Variants in CD84 observed in about 807,000 individuals in gnomAD.
CD84 encodes CD84 molecule, also known as SLAM family member 5.
Under a neutral mutation model 33.8 loss-of-function variants are expected in CD84, and 22 were observed. The observed-to-expected ratio is 0.65, with a 90% confidence interval of 0.46 to 0.93. The LOEUF (loss-of-function observed/expected upper bound fraction) is 0.93. CD84 is among the 40% of genes least tolerant of loss of function. The probability of loss-of-function intolerance (pLI) is 0.00; values close to 1 mark genes in which losing one functional copy is unlikely to be tolerated. For synonymous variants in CD84, 154 were observed against 145.2 expected (o/e 1.06, Z -0.44); for missense variants, 400 against 397.6 (o/e 1.01, Z -0.05).
At chr1:160,552,303 T>TCTCC (rs2102134707) in intron 4 of CD84, among the ~76,000 whole-genome samples, 1 of 152,240 alleles carries the variant, frequency 6.6e-6, no homozygotes, top group Non-Finnish European at 1.5e-5. Context: ...GGCTATGCCT[T>TCTCC]CTCCCCATTG....
At chr1:160,564,932 A>G (rs960754061) in intron 2 of CD84, among the ~76,000 whole-genome samples, 4 of 152,202 alleles carry the variant, frequency 2.6e-5, no homozygotes, top group Non-Finnish European at 4.4e-5. Flanking sequence ...AATAAGCTCT[A>G]TAGATTGTGC....
intron 2 of CD84, among the ~76,000 whole-genome samples, chr1:160,559,774 G>T (rs67197441): frequency 6.6e-6 from 1 of 151,876 alleles, no homozygotes; most frequent in Non-Finnish European, 1.5e-5. Flanking sequence ...CAAAATAAAG[G>T]GATAGGGAAA....
chr1:160,551,149 G>A (rs764689364), intron 4 of CD84, 114 bp from the exon 5 acceptor site: 2 of 802,548 alleles, frequency 2.5e-6, no homozygotes, highest in Non-Finnish European at 4.3e-6. Context: ...GGGATTAAAT[G>A]GCTGCCATCC....
At position 160,567,112 on chromosome 1, in the gene CD84, G is replaced by A. The variant is rs536879174; in HGVS notation, c.47-1367C>T. Among the ~76,000 whole-genome samples the A allele has an allele frequency of 2.5e-4, 38 of 152,254 alleles. 1 individual carries two copies. The South Asian group carries it at 7.7e-3, about 31-fold the overall frequency. On this transcript the variant is annotated intron_variant, in intron 1 of 6. Transcript: ENST00000368054. ...TTAGCCATAAACAAACTAGTTGAGC[G>A]GTTCTGGTGTGTACTGGTTGCATGT...
chr1:160,564,005 A>T (rs191637048), intron 2 of CD84, among the ~76,000 whole-genome samples: 11 of 152,256 alleles, frequency 7.2e-5, no homozygotes, highest in African/African-American at 2.6e-4. Context: ...GACTTCATTC[A>T]TTCACAAAGG....
chr1:160,563,398 A>G (rs984330967), intron 2 of CD84, among the ~76,000 whole-genome samples: 6 of 152,220 alleles, frequency 3.9e-5, no homozygotes, highest in Admixed American at 2.0e-4. Flanking sequence ...CATATATGCC[A>G]TGGAATACTA....
chr1:160,566,807 T>TTTTAAAATGTAACATGGGA (rs1657357216), intron 1 of CD84, among the ~76,000 whole-genome samples: 2 of 152,222 alleles, frequency 1.3e-5, no homozygotes, highest in South Asian at 4.1e-4. Context: ...GGATGAATAC[T>TTTTAAAATGTAACATGGGA]TTTAAAATGT....
At chr1:160,562,067 GA>G (rs1370585155) in intron 2 of CD84, among the ~76,000 whole-genome samples, 1 of 152,162 alleles carries the variant, frequency 6.6e-6, no homozygotes, top group Non-Finnish European at 1.5e-5. Flanking sequence ...ACTGCTCAAA[GA>G]AATCAGAGAG....
At chr1:160,576,496 G>A (rs2102214779) in intron 1 of CD84, among the ~76,000 whole-genome samples, 1 of 152,230 alleles carries the variant, frequency 6.6e-6, no homozygotes. Flanking sequence ...CTCCTCTGTG[G>A]GTGGGTATAG....
At chr1:160,574,584 T>TGGAGGAGAGTCTAGTGGTCC (rs1481611369) in intron 1 of CD84, among the ~76,000 whole-genome samples, 4 of 152,288 alleles carry the variant, frequency 2.6e-5, no homozygotes, top group Non-Finnish European at 4.4e-5. Context: ...TGTGTACTAA[T>TGGAGGAGAGTCTAGTGGTCC]GGAGGAGAGT....
intron 5 of CD84, 46 bp downstream of exon 5, chr1:160,550,892 C>A: frequency 6.2e-7 from 1 of 1,610,396 alleles, no homozygotes; most frequent in South Asian, 1.1e-5. Context: ...GACTCCCTGT[C>A]ATGGAGATGG....
chr1:160,556,883 C>T (rs1234767844), intron 2 of CD84, among the ~76,000 whole-genome samples: 2 of 152,090 alleles, frequency 1.3e-5, no homozygotes, highest in Non-Finnish European at 2.9e-5. Context: ...AAATTGAATA[C>T]CATCTTTATT....
chr1:160,546,890 T>C lies in CD84; in HGVS notation c.*1366A>G. ...GCTCCTAACATAGTGCTAATGGTAGTTGGTGCTAGATGAGTCTATGGATTC... is the reference window on the plus strand; with the variant it reads ...GCTCCTAACATAGTGCTAATGGTAGCTGGTGCTAGATGAGTCTATGGATTC... On this transcript the variant is annotated 3_prime_UTR_variant, in exon 7 of 7. Coordinates refer to ENST00000368054, the MANE Select transcript of CD84 (RefSeq NM_003874.4). The C allele has an allele frequency of 2.7e-6, 1 of 376,144 alleles. No homozygotes were observed. Among genetic ancestry groups the C allele is most frequent in the South Asian group, 1.5e-4 (1 of 6,820 alleles). 23.3% of individuals were successfully genotyped at this position (376,144 alleles called of 1,614,324 possible).
At chr1:160,561,264 C>G (rs1189462273) in intron 2 of CD84, among the ~76,000 whole-genome samples, 1 of 152,168 alleles carries the variant, frequency 6.6e-6, no homozygotes, top group South Asian at 2.1e-4. Context: ...CAGAAATCCT[C>G]AGTAAAATGC....
At chr1:160,552,768 A>G (rs1447998010) in intron 4 of CD84, 1 of 1,518,998 alleles carries the variant, frequency 6.6e-7, no homozygotes. Flanking sequence ...GAGAGTCAGG[A>G]ACATGGAAGC....
chr1:160,576,522 C>T (rs1248081584), intron 1 of CD84, among the ~76,000 whole-genome samples: 1 of 152,162 alleles, frequency 6.6e-6, no homozygotes, highest in African/African-American at 2.4e-5. Flanking sequence ...GGCACAGATT[C>T]TATCCGAATA....
Position 160,550,976 on chromosome 1 carries a change from C to T in CD84, c.820G>A (p.Ala274Thr), listed in dbSNP as rs1198469262. 6.2e-7 allele frequency: 1 copy of T among 1,613,958 alleles called. No homozygotes were observed. Among genetic ancestry groups the T allele is most frequent in the African/African-American group, 1.3e-5 (1 of 74,916 alleles). ...YIMASRNTQP[A>T]ESRIYDEILQ... is the part of the protein sequence containing the mutation. ...ATTTCATCATAGATTCTGGACTCTG[C>T]TGGCTGGGTGTTCCTTGAAGCCATG... is the stretch of plus-strand genomic sequence containing the variant. The change falls in exon 5 of 7, where the codon GCA becomes ACA. Residue 274 changes from alanine to threonine, a missense_variant. Coordinates refer to ENST00000368054, the MANE Select transcript of CD84 (RefSeq NM_003874.4).
Position 160,549,950 on chromosome 1 carries a change from G to A in CD84, c.888C>T (p.Asn296=). The A allele has an allele frequency of 6.2e-7, 1 of 1,613,002 alleles. No individual in the cohort carries two copies. Among genetic ancestry groups the A allele is most frequent in the Non-Finnish European group, 8.5e-7 (1 of 1,179,056 alleles). ...CAAACTGCACTTCGGAATAAACTGT[G>A]TTCACTGGCTCTTCCTTGGAGGGAA... The part of the protein sequence containing the change: ...KVLPSKEEPV[N]TVYSEVQFAD... The change falls in exon 6 of 7, where the codon AAC becomes AAT. Residue 296 remains asparagine, a synonymous_variant. Coordinates refer to ENST00000368054, the MANE Select transcript of CD84 (RefSeq NM_003874.4).
intron 1 of CD84, among the ~76,000 whole-genome samples, chr1:160,569,475 T>C (rs1252291372): frequency 2.6e-5 from 4 of 151,984 alleles, no homozygotes; most frequent in Non-Finnish European, 4.4e-5. Flanking sequence ...ACAGATTCTC[T>C]GCCTTTCGGG....
Sources: gnomAD v4.1 joint callset for allele counts (sites outside exome capture counted in the v4.1 genomes callset) on GRCh38, gnomAD v4.1.1 for gene constraint, MANE v1.5 for transcripts, NCBI Gene and HGNC (gene_info 2026-07-23, HGNC 2026-07-21) for gene names.